Variants in OSTM1 observed in about 807,000 individuals in gnomAD.
The protein encoded by OSTM1 is osteopetrosis-associated transmembrane protein 1.
A neutral mutation model predicts 35.4 loss-of-function variants in OSTM1; 26 were observed. The ratio of observed to expected loss-of-function variants is 0.73; its 90% CI spans 0.54 to 1.02. The LOEUF is 1.02. OSTM1 is among the 50% of genes least tolerant of loss of function. The pLI is 0.00. For synonymous variants in OSTM1, 181 were observed against 165.0 expected (o/e 1.10, Z -0.75); for missense variants, 366 against 409.6 (o/e 0.89, Z 0.92).
chr6:108,061,142 T>C (rs1772263683), intron 2 of OSTM1, among the ~76,000 whole-genome samples: 1 of 143,006 alleles, frequency 7.0e-6, no homozygotes, highest in African/African-American at 2.9e-5. Flanking sequence ...GTAAAGGATA[T>C]GCTAAAAAAA....
At chr6:108,072,459 C>T (rs760043645) in intron 1 of OSTM1, among the ~76,000 whole-genome samples, 1 of 151,938 alleles carries the variant, frequency 6.6e-6, no homozygotes, top group Middle Eastern at 3.4e-3. Context: ...CATGGTGAAA[C>T]CTGTCTCTAC....
intron 2 of OSTM1, among the ~76,000 whole-genome samples, chr6:108,060,024 T>G (rs990137967): frequency 1.5e-4 from 23 of 152,334 alleles, no homozygotes; most frequent in Admixed American, 3.9e-4. Context: ...AGGGTACAAA[T>G]GCAAATACGG....
intron 1 of OSTM1, among the ~76,000 whole-genome samples, chr6:108,067,380 C>A (rs1463691192): frequency 6.6e-6 from 1 of 152,196 alleles, no homozygotes; most frequent in African/African-American, 2.4e-5. Context: ...TTTCTGGAAA[C>A]TGACCTTGTC....
chr6:108,068,613 C>CCA (rs1330845415), intron 1 of OSTM1, among the ~76,000 whole-genome samples: 4 of 152,104 alleles, frequency 2.6e-5, no homozygotes, highest in African/African-American at 4.8e-5. Context: ...ACCCATTTCT[C>CCA]CACATCATGA....
rs1350892768 is a variant in OSTM1 at position 108,057,897 on chromosome 6, TTAA to T, written c.518-3313_518-3311del. Among the ~76,000 whole-genome samples the T allele has an allele frequency of 9.2e-5, 14 of 152,234 alleles. No homozygotes were observed. The East Asian group carries it at 1.9e-3, about 21-fold the overall frequency. The stretch of plus-strand genomic sequence containing the variant: ...TTAGAAATTGGTGAGTTAAAGAATA[TTAA>T]TAATAATAAAGCTTCCTTTAAGCAC... On this transcript the variant is annotated intron_variant, in intron 2 of 5. Coordinates refer to ENST00000193322, the MANE Select transcript of OSTM1 (RefSeq NM_014028.4).
In OSTM1 at chr6:108,042,295, A is replaced by G. The variant is rs1278888974; in HGVS notation, c.*2490T>C. The G allele has an allele frequency of 1.3e-5, 2 of 148,908 alleles. No individual in the cohort carries two copies. The highest frequency in any genetic ancestry group is 3.0e-5 in the Non-Finnish European group (2 of 67,180). The allele number at this position is 148,908 out of a possible 1,614,324, so 9.2% of individuals were successfully genotyped here. On this transcript the variant is annotated 3_prime_UTR_variant, in exon 6 of 6. Coordinates refer to ENST00000193322, the MANE Select transcript of OSTM1 (RefSeq NM_014028.4). The stretch of plus-strand genomic sequence containing the variant: ...AAAAAAAAAAAAAAAAAAATTAATT[A>G]TAAAAAAAAAAGAAAAAATATATCT...
intron 3 of OSTM1, among the ~76,000 whole-genome samples, chr6:108,051,755 T>C (rs1324045343): frequency 6.6e-6 from 1 of 152,214 alleles, no homozygotes; most frequent in Non-Finnish European, 1.5e-5. Context: ...TCCAGGCCTT[T>C]CTAGTCAACA....
At chr6:108,066,707 G>A (rs1347465277) in intron 1 of OSTM1, among the ~76,000 whole-genome samples, 1 of 152,296 alleles carries the variant, frequency 6.6e-6, no homozygotes, top group African/African-American at 2.4e-5. Flanking sequence ...GACAACTGCT[G>A]AAGAGTTTGG....
rs1395870683 is a variant in OSTM1, at chr6:108,042,092, C to T, written c.*2693G>A. On this transcript the variant is annotated 3_prime_UTR_variant, in exon 6 of 6. Transcript: ENST00000193322. ...CAGAAACATTAGAAAATACTAGTCC[C>T]AATATAAGTAACATTTACCAACTAG... 2 of 151,438 alleles carry T rather than the reference C, an allele frequency of 1.3e-5. No individual in the cohort carries two copies. The highest frequency in any genetic ancestry group is 2.9e-5 in the Non-Finnish European group (2 of 67,902). 9.4% of individuals were successfully genotyped at this position (151,438 alleles called of 1,614,324 possible). A position where few individuals can be genotyped will look rare whatever the true frequency, so the allele number is the denominator to read the frequency against.
Position 108,074,408 on chromosome 6 carries a change from G to C in OSTM1, c.244C>G (p.Pro82Ala). ...TCCAGCAGGAGCTCCCGGCACTCAGGATCCAGATCCGGCAGGTCCGGGGGC... is the reference window on the plus strand; with the variant it reads ...TCCAGCAGGAGCTCCCGGCACTCAGCATCCAGATCCGGCAGGTCCGGGGGC... ...SLPPDLPDLD[P>A]ECRELLLDFA... Residue 82 changes from proline (P) to alanine (A), a missense_variant, in exon 1 of 6, where the codon CCT becomes GCT. Transcript: ENST00000193322. 2 of 1,570,844 alleles carry C rather than the reference G, an allele frequency of 1.3e-6. No individual in the cohort carries two copies. Among genetic ancestry groups the C allele is most frequent in the Non-Finnish European group, 1.7e-6 (2 of 1,158,114 alleles).
rs532156669 is a variant in OSTM1, at chr6:108,061,217, T to C, written c.517+2968A>G. 2.6e-5 allele frequency among the ~76,000 whole-genome samples: 4 copies of C among 152,226 alleles called. No homozygotes were observed. The East Asian group carries it at 7.7e-4, about 29-fold the overall frequency. On this transcript the variant is annotated intron_variant, in intron 2 of 5. Transcript: ENST00000193322. ...AGTCAGTATTCAATATACCATAGTA[T>C]ACTGACAAGGGAAAAAAACTGGCTG... is the stretch of plus-strand genomic sequence containing the variant.
At chr6:108,046,271 C>T (rs932665406) in intron 5 of OSTM1, among the ~76,000 whole-genome samples, 3 of 150,152 alleles carry the variant, frequency 2.0e-5, no homozygotes, top group Non-Finnish European at 3.0e-5. Flanking sequence ...CCGTCTGCCC[C>T]GGCCTCCCAA....
intron 2 of OSTM1, among the ~76,000 whole-genome samples, chr6:108,062,055 A>G (rs1252723789): frequency 6.6e-6 from 1 of 152,028 alleles, no homozygotes; most frequent in Non-Finnish European, 1.5e-5. Context: ...TATAGTACCA[A>G]ACCTTCTATA....
At chr6:108,057,884 G>C (rs570117739) in intron 2 of OSTM1, among the ~76,000 whole-genome samples, 107 of 152,146 alleles carry the variant, frequency 7.0e-4, no homozygotes, top group Non-Finnish European at 1.4e-3. Context: ...AGAAATTGGT[G>C]AGTTAAAGAA....
At chr6:108,069,122 G>A (rs1461518059) in intron 1 of OSTM1, among the ~76,000 whole-genome samples, 1 of 152,156 alleles carries the variant, frequency 6.6e-6, no homozygotes, top group Non-Finnish European at 1.5e-5. Flanking sequence ...ATATGCATTG[G>A]TAGCATCTGG....
At chr6:108,063,988 T>A (rs548650552) in intron 2 of OSTM1, among the ~76,000 whole-genome samples, 197 bp downstream of exon 2, 1 of 152,218 alleles carries the variant, frequency 6.6e-6, no homozygotes, top group Non-Finnish European at 1.5e-5. Context: ...CCAAAGCTCA[T>A]AGTAACTGCT....
At chr6:108,049,696 C>T (rs1772043403) in intron 4 of OSTM1, 1 of 421,170 alleles carries the variant, frequency 2.4e-6, no homozygotes, top group African/African-American at 2.0e-5. Context: ...TACATTCAAA[C>T]AAAGAACTTA....
At chr6:108,066,442 C>T (rs1772377976) in intron 1 of OSTM1, among the ~76,000 whole-genome samples, 2 of 152,114 alleles carry the variant, frequency 1.3e-5, no homozygotes, top group African/African-American at 4.8e-5. Context: ...GGTAAACTAT[C>T]AGAGGTGACT....
intron 1 of OSTM1, among the ~76,000 whole-genome samples, chr6:108,067,806 G>A (rs938123183): frequency 2.3e-5 from 3 of 133,222 alleles, no homozygotes; most frequent in African/African-American, 8.3e-5. Flanking sequence ...CTCCAGCTTG[G>A]TTGACAGAGC....
Sources: allele counts gnomAD v4.1 joint callset (sites outside exome capture counted in the v4.1 genomes callset), GRCh38; gene constraint gnomAD v4.1.1; transcripts MANE v1.5; gene names NCBI Gene and HGNC (gene_info 2026-07-23, HGNC 2026-07-21).